KLHL1: variants seen among roughly 807,000 people sequenced by gnomAD.
KLHL1 encodes the protein kelch-like protein 1.
KLHL1 carries 47 observed loss-of-function variants against 77.7 expected under a neutral mutation model. That is an observed-to-expected ratio of 0.60 (90% CI 0.48 to 0.77). The LOEUF (loss-of-function observed/expected upper bound fraction) is 0.77, where lower values mean the gene tolerates loss of function less well. Ranked by LOEUF, KLHL1 falls within the 30% of genes least tolerant of loss-of-function variation. The probability of loss-of-function intolerance (pLI) is 0.00; values close to 1 mark genes in which losing one functional copy is unlikely to be tolerated. For missense variants in KLHL1, 925 were observed against 910.8 expected (o/e 1.02, Z -0.20); for synonymous variants, 360 against 325.2 (o/e 1.11, Z -1.15).
At chr13:69,960,251 T>G (rs1398109149) in intron 3 of KLHL1, among the ~76,000 whole-genome samples, 1 of 151,510 alleles carries the variant, frequency 6.6e-6, no homozygotes, top group Non-Finnish European at 1.5e-5. Context: ...GTGGCTGATC[T>G]TCACAATGTC....
chr13:70,012,753 A>G (rs1295525692), intron 1 of KLHL1, among the ~76,000 whole-genome samples: 1 of 152,026 alleles, frequency 6.6e-6, no homozygotes, highest in African/African-American at 2.4e-5. Context: ...TACTAAAAAT[A>G]CAAAAAAATT....
intron 7 of KLHL1, among the ~76,000 whole-genome samples, chr13:69,791,159 A>T (rs1390805198): frequency 1.3e-5 from 2 of 152,068 alleles, no homozygotes; most frequent in Non-Finnish European, 2.9e-5. Context: ...ATATACAAAT[A>T]CAAACTGTAT....
intron 5 of KLHL1, among the ~76,000 whole-genome samples, chr13:69,846,121 C>A (rs181307759): frequency 6.6e-6 from 1 of 151,568 alleles, no homozygotes; most frequent in Admixed American, 6.6e-5. Context: ...CTGTTCTATG[C>A]TATCCAAACG....
At chr13:70,016,357 G>A (rs757807501) in intron 1 of KLHL1, among the ~76,000 whole-genome samples, 6 of 152,214 alleles carry the variant, frequency 3.9e-5, no homozygotes, top group Non-Finnish European at 8.8e-5. Context: ...ATCTGCAGCA[G>A]CCCAGCCCAG....
intron 6 of KLHL1, among the ~76,000 whole-genome samples, chr13:69,825,948 C>T (rs1044739177): frequency 4.0e-5 from 6 of 151,838 alleles, no homozygotes; most frequent in South Asian, 2.1e-4. Context: ...TTTTATTTGA[C>T]GTTTATACAA....
intron 1 of KLHL1, among the ~76,000 whole-genome samples, chr13:70,065,337 G>T (rs1293253753): frequency 6.6e-6 from 1 of 152,130 alleles, no homozygotes; most frequent in Non-Finnish European, 1.5e-5. Context: ...GATGACAGTG[G>T]CATCATAGCC....
intron 4 of KLHL1, among the ~76,000 whole-genome samples, chr13:69,914,776 C>T (rs945213661): frequency 1.4e-4 from 21 of 152,076 alleles, no homozygotes; most frequent in Non-Finnish European, 2.8e-4. Flanking sequence ...ACAATCCTTT[C>T]CTAGAATTTA....
chr13:70,107,038 C>T (rs1429174153), intron 1 of KLHL1, among the ~76,000 whole-genome samples, 165 bp downstream of exon 1: 1 of 152,142 alleles, frequency 6.6e-6, no homozygotes, highest in Non-Finnish European at 1.5e-5. Context: ...AATTAATGAG[C>T]AAACTTGTAA....
chr13:69,743,793 A>AC lies in KLHL1; in HGVS notation c.1640-3238dup, dbSNP rs202161620. 4.7e-3 allele frequency among the ~76,000 whole-genome samples: 692 copies of AC among 147,730 alleles called. 4 individuals carry two copies. The highest frequency in any genetic ancestry group is 0.021 in the Middle Eastern group (6 of 288). On this transcript the variant is annotated intron_variant, in intron 7 of 10. Transcript: ENST00000377844. ...AGAGTGAGATTTTGTCTCAAAAAAA[A>AC]CACCAAAAAACAAAACAAAACAAAA...
chr13:69,723,834 G>T lies in KLHL1; in HGVS notation c.1803-4253C>A, dbSNP rs188876702. ...TAATAACTCTTTCAGCCAGTTGCCA[G>T]TCAGAATTTTTTTTTTTTTTTTTTC... On this transcript the variant is annotated intron_variant, in intron 8 of 10. Coordinates refer to ENST00000377844, the MANE Select transcript of KLHL1 (RefSeq NM_020866.3). Among the ~76,000 whole-genome samples, 5 of 122,446 alleles carry T rather than the reference G, an allele frequency of 4.1e-5. No homozygotes were observed. The East Asian group carries it at 1.4e-3, about 34-fold the overall frequency. 80.3% of individuals were successfully genotyped at this position (122,446 alleles called of 152,430 possible).
At chr13:69,777,887 GT>G (rs1217243777) in intron 7 of KLHL1, among the ~76,000 whole-genome samples, 1 of 152,032 alleles carries the variant, frequency 6.6e-6, no homozygotes, top group Admixed American at 6.5e-5. Flanking sequence ...GTATTATAGT[GT>G]GCATTTTACT....
chr13:70,057,824 A>G lies in KLHL1; in HGVS notation c.497+49379T>C, dbSNP rs140245693. ...AAAAAAAGAAAGAAAGAAAAGAAAA[A>G]CAAAGAAAAGGCCAATATCTCTGAT... On this transcript the variant is annotated intron_variant, in intron 1 of 10. Coordinates refer to ENST00000377844, the MANE Select transcript of KLHL1 (RefSeq NM_020866.3). Among the ~76,000 whole-genome samples, 1,240 of 151,250 alleles carry G rather than the reference A, an allele frequency of 8.2e-3. 17 individuals carry two copies. Among genetic ancestry groups the G allele is most frequent in the African/African-American group, 0.028 (1,139 of 41,340 alleles).
chr13:69,990,404 G>A (rs1455663577), intron 1 of KLHL1, among the ~76,000 whole-genome samples: 1 of 151,984 alleles, frequency 6.6e-6, no homozygotes, highest in Non-Finnish European at 1.5e-5. Flanking sequence ...AGAGCCAGGG[G>A]TATGGTGTCT....
chr13:69,704,461 T>G (rs975433926), intron 10 of KLHL1, among the ~76,000 whole-genome samples: 2 of 151,696 alleles, frequency 1.3e-5, no homozygotes, highest in African/African-American at 4.8e-5. Context: ...ACATACCACG[T>G]GTTCTTCCTC....
chr13:69,918,962 C>T (rs1882537288), intron 4 of KLHL1, among the ~76,000 whole-genome samples: 1 of 151,934 alleles, frequency 6.6e-6, no homozygotes, highest in African/African-American at 2.4e-5. Context: ...GTTAAACATA[C>T]CAAACTCTTC....
chr13:69,912,324 C>T (rs569751804), intron 4 of KLHL1, among the ~76,000 whole-genome samples: 5 of 152,102 alleles, frequency 3.3e-5, no homozygotes, highest in Non-Finnish European at 7.4e-5. Context: ...TTTATCCCTT[C>T]TGATATAATG....
chr13:69,777,870 A>T lies in KLHL1; in HGVS notation c.1639+18868T>A, dbSNP rs1057219947. Among the ~76,000 whole-genome samples, 5 of 152,080 alleles carry T rather than the reference A, an allele frequency of 3.3e-5. No homozygotes were observed. In the East Asian group the frequency reaches 9.6e-4, roughly 29 times the overall value. On this transcript the variant is annotated intron_variant, in intron 7 of 10. Transcript: ENST00000377844. ...AATACAATACCTTACTTATCATTTT[A>T]TTCTGAGTATTATAGTGTGCATTTT...
chr13:69,730,775 T>A (rs113153421), intron 8 of KLHL1, among the ~76,000 whole-genome samples: 1,541 of 152,198 alleles, frequency 0.01, 23 homozygotes, highest in African/African-American at 0.034. Flanking sequence ...AGATGGGGTC[T>A]CACTACGTTG....
At chr13:69,930,432 C>T (rs1882964056) in intron 4 of KLHL1, among the ~76,000 whole-genome samples, 1 of 151,734 alleles carries the variant, frequency 6.6e-6, no homozygotes, top group Non-Finnish European at 1.5e-5. Context: ...CACTTAAAAA[C>T]CAAGCTTTAG....
Sources: allele counts gnomAD v4.1 joint callset (sites outside exome capture counted in the v4.1 genomes callset), GRCh38; gene constraint gnomAD v4.1.1; transcripts MANE v1.5; gene names NCBI Gene and HGNC (gene_info 2026-07-23, HGNC 2026-07-21).